ZNF644: variants seen among roughly 807,000 people sequenced by gnomAD.
ZNF644 encodes zinc finger protein 644, also known as zinc finger motif enhancer binding protein 2.
Under a neutral mutation model 108.0 loss-of-function variants are expected in ZNF644, and 20 were observed. The observed-to-expected ratio is 0.19, with a 90% CI of 0.13 to 0.27. The LOEUF is 0.27. Ranked by LOEUF, ZNF644 falls within the 10% of genes least tolerant of loss-of-function variation. The pLI is 1.00. For missense variants in ZNF644, 1,338 were observed against 1,548.9 expected, an observed-to-expected ratio of 0.86 and a Z score of 2.29; for synonymous variants, 542 against 539.1, an observed-to-expected ratio of 1.01 and a Z score of -0.08.
chr1:91,004,088 T>C lies in ZNF644; in HGVS notation c.-18+17902A>G, dbSNP rs1659165952. 3.3e-5 allele frequency among the ~76,000 whole-genome samples: 5 copies of C among 152,092 alleles called. No homozygotes were observed. In the South Asian group the frequency reaches 8.3e-4, roughly 25 times the overall value. ...CTGTGAGACAACATTAAACATCCCA[T>C]TGTATACCTAATAGGAGTTCTACAA... On this transcript the variant is annotated intron_variant, in intron 1 of 5. Coordinates refer to ENST00000337393, the MANE Select transcript of ZNF644 (RefSeq NM_201269.3).
At chr1:90,981,863 C>G (rs1368321250) in intron 2 of ZNF644, among the ~76,000 whole-genome samples, 1 of 151,924 alleles carries the variant, frequency 6.6e-6, no homozygotes, top group Non-Finnish European at 1.5e-5. Context: ...CAAATTTATC[C>G]CATTTGGGAA....
chr1:90,927,903 G>A (rs1650238177), intron 4 of ZNF644, among the ~76,000 whole-genome samples: 1 of 151,830 alleles, frequency 6.6e-6, no homozygotes, highest in South Asian at 2.1e-4. Flanking sequence ...GAGTGCAACA[G>A]CATGATCTCA....
intron 1 of ZNF644, among the ~76,000 whole-genome samples, chr1:90,994,459 G>C (rs951356721): frequency 1.7e-4 from 26 of 152,204 alleles, no homozygotes; most frequent in African/African-American, 6.0e-4. Flanking sequence ...ATGGCAGTCA[G>C]AGAACCAGAG....
intron 2 of ZNF644, among the ~76,000 whole-genome samples, chr1:90,981,633 T>C (rs1163251355): frequency 6.6e-6 from 1 of 152,068 alleles, no homozygotes. Context: ...AGTAAATGTA[T>C]CTTTTTAAAA....
At chr1:90,974,241 A>C (rs1242110219) in intron 2 of ZNF644, among the ~76,000 whole-genome samples, 1 of 152,158 alleles carries the variant, frequency 6.6e-6, no homozygotes, top group East Asian at 1.9e-4. Context: ...AGGCATGAGA[A>C]TCATTTGAAC....
chr1:90,988,946 G>A (rs1657374823), intron 1 of ZNF644, among the ~76,000 whole-genome samples: 1 of 152,090 alleles, frequency 6.6e-6, no homozygotes, highest in Non-Finnish European at 1.5e-5. Flanking sequence ...AGAAAACATA[G>A]GGGAAGGCTT....
At chr1:90,999,060 C>A (rs79366139) in intron 1 of ZNF644, among the ~76,000 whole-genome samples, 4 of 152,160 alleles carry the variant, frequency 2.6e-5, no homozygotes, top group Admixed American at 2.6e-4. Context: ...ACCAAATCTA[C>A]GCCTGATTGG....
chr1:90,953,239 C>G (rs1413005700), intron 2 of ZNF644, among the ~76,000 whole-genome samples: 1 of 151,784 alleles, frequency 6.6e-6, no homozygotes, highest in Non-Finnish European at 1.5e-5. Flanking sequence ...CTTGGAGATA[C>G]TGTGGGTTCA....
At chr1:91,000,255 G>A (rs899879519) in intron 1 of ZNF644, among the ~76,000 whole-genome samples, 6 of 152,118 alleles carry the variant, frequency 3.9e-5, no homozygotes, top group Middle Eastern at 3.4e-3. Flanking sequence ...ACACCACATC[G>A]CACTTATTCC....
intron 1 of ZNF644, among the ~76,000 whole-genome samples, chr1:90,990,445 T>C (rs976272119): frequency 1.3e-5 from 2 of 152,166 alleles, no homozygotes; most frequent in Non-Finnish European, 2.9e-5. Context: ...AGTTTTCATA[T>C]ATTAGACATT....
At chr1:90,954,251 T>C (rs1345128642) in intron 2 of ZNF644, among the ~76,000 whole-genome samples, 1 of 152,224 alleles carries the variant, frequency 6.6e-6, no homozygotes, top group Non-Finnish European at 1.5e-5. Context: ...ACTGACGTAA[T>C]ATTCTAAATC....
At chr1:90,961,433 T>C (rs1348827787) in intron 2 of ZNF644, among the ~76,000 whole-genome samples, 1 of 152,144 alleles carries the variant, frequency 6.6e-6, no homozygotes, top group East Asian at 1.9e-4. Context: ...TAAGACCTTA[T>C]TAGAGGATCT....
chr1:91,001,773 A>G (rs577609318), intron 1 of ZNF644, among the ~76,000 whole-genome samples: 6 of 152,350 alleles, frequency 3.9e-5, no homozygotes, highest in South Asian at 4.1e-4. Context: ...ACATGATTGT[A>G]TATTTAGAAA....
At chr1:90,962,764 A>G (rs146042523) in intron 2 of ZNF644, among the ~76,000 whole-genome samples, 12 of 152,158 alleles carry the variant, frequency 7.9e-5, no homozygotes, top group Non-Finnish European at 1.0e-4. Context: ...AAAACTAAAC[A>G]TGTATTCACA....
At chr1:90,917,105 G>A in intron 5 of ZNF644, 115 bp from the exon 6 acceptor site, 1 of 1,082,248 alleles carries the variant, frequency 9.2e-7, no homozygotes, top group Non-Finnish European at 1.4e-6. Flanking sequence ...GACAGCAATT[G>A]ATAAAGTTTC....
chr1:90,978,319 TCCAGC>T, intron 2 of ZNF644, among the ~76,000 whole-genome samples: 1 of 148,198 alleles, frequency 6.7e-6, no homozygotes, highest in East Asian at 2.0e-4. Context: ...GCCATTGCAC[TCCAGC>T]CTGGGCAACA....
chr1:90,985,542 G>A (rs944539616), intron 1 of ZNF644, among the ~76,000 whole-genome samples: 2 of 152,092 alleles, frequency 1.3e-5, no homozygotes, highest in East Asian at 1.9e-4. Flanking sequence ...CTACATGTAA[G>A]TTAGATTACG....
At chr1:91,011,606 GTAAAAATCA>G (rs1659964571) in intron 1 of ZNF644, among the ~76,000 whole-genome samples, 2 of 152,058 alleles carry the variant, frequency 1.3e-5, no homozygotes, top group South Asian at 4.1e-4. Context: ...AGCACTAAAA[GTAAAAATCA>G]TGATCAACAA....
At chr1:90,927,068 C>A (rs1358476156) in intron 4 of ZNF644, among the ~76,000 whole-genome samples, 1 of 152,110 alleles carries the variant, frequency 6.6e-6, no homozygotes, top group East Asian at 1.9e-4. Flanking sequence ...TCAGGCATTT[C>A]TCTTCCCCAC....
Sources: gnomAD v4.1 joint callset for allele counts (sites outside exome capture counted in the v4.1 genomes callset) on GRCh38, gnomAD v4.1.1 for gene constraint, MANE v1.5 for transcripts, NCBI Gene and HGNC (gene_info 2026-07-23, HGNC 2026-07-21) for gene names.